Variants in PLIN3 observed in about 807,000 individuals in gnomAD.
PLIN3 encodes perilipin 3, also known as perilipin-3.
PLIN3 carries 30 observed loss-of-function variants against 35.9 expected under a neutral mutation model. The observed-to-expected ratio is 0.84, with a 90% CI of 0.62 to 1.13. PLIN3 has a LOEUF of 1.13. Ranked by LOEUF, PLIN3 falls within the 50% of genes most tolerant of loss-of-function variation. PLIN3 has a pLI of 0.00. For missense variants in PLIN3, 603 were observed against 596.9 expected (o/e 1.01, Z -0.11); for synonymous variants, 261 against 262.5 (o/e 0.99, Z 0.06).
rs750840191 is a variant in PLIN3, at chr19:4,839,524, G to A, written c.973C>T (p.Arg325Trp). 7 of 1,525,634 alleles carry A rather than the reference G, an allele frequency of 4.6e-6. No homozygotes were observed. The highest frequency in any genetic ancestry group is 3.8e-5 in the South Asian group (3 of 78,684). The allele number at this position is 1,525,634 out of a possible 1,614,324, so 94.5% of individuals were successfully genotyped here. Residue 325 changes from arginine (R) to tryptophan (W), a missense_variant, in exon 8 of 8, where the codon CGG (arginine) becomes TGG (tryptophan). Coordinates refer to ENST00000221957, the MANE Select transcript of PLIN3 (RefSeq NM_005817.5). ...ATGTCCCGGAACATGGTGAGCGCCC[G>A]GGACTCGACCTGCTGAGAAGGGAGA... The part of the protein sequence containing the change: ...EPPKPEQVES[R>W]ALTMFRDIAQ...
chr19:4,852,765 G>A (rs184523115), intron 4 of PLIN3, among the ~76,000 whole-genome samples: 10 of 150,196 alleles, frequency 6.7e-5, no homozygotes, highest in East Asian at 2.0e-4. Context: ...CTCAGCCTCC[G>A]AAGCAGCTGG....
At chr19:4,863,630 C>G (rs111297924) in intron 1 of PLIN3, among the ~76,000 whole-genome samples, 24,209 of 151,572 alleles carry the variant, frequency 0.16, 1,999 homozygotes, top group African/African-American at 0.2. Flanking sequence ...ACCAGCCTGG[C>G]CAACATGGCA....
chr19:4,863,277 C>T (rs1054224588), intron 1 of PLIN3, among the ~76,000 whole-genome samples: 2 of 151,180 alleles, frequency 1.3e-5, no homozygotes, highest in African/African-American at 4.9e-5. Context: ...GCGGGTGGAT[C>T]ACCTGAGGTC....
chr19:4,841,766 A>G (rs974077871), intron 7 of PLIN3, among the ~76,000 whole-genome samples: 10 of 151,506 alleles, frequency 6.6e-5, no homozygotes, highest in Non-Finnish European at 1.5e-4. Context: ...TTAGCTGGGC[A>G]TGGTGGCGGG....
At chr19:4,859,384 TG>T (rs1486862139) in intron 4 of PLIN3, among the ~76,000 whole-genome samples, 1 of 152,076 alleles carries the variant, frequency 6.6e-6, no homozygotes, top group Non-Finnish European at 1.5e-5. Context: ...TAGATGGGCA[TG>T]GTTGCAGGCG....
chr19:4,852,177 A>C lies in PLIN3; in HGVS notation c.473T>G (p.Val158Gly). ...CTTTGTCTTGTCCACGCCGCTCTGCACAGCACCGCGGGTCGCGTCCACCGC... is the reference window on the plus strand; with the variant it reads ...CTTTGTCTTGTCCACGCCGCTCTGCCCAGCACCGCGGGTCGCGTCCACCGC... ...SEAVDATRGAVQSGVDKTKSV... is the reference protein window; with the variant it reads ...SEAVDATRGAGQSGVDKTKSV... Residue 158 changes from valine to glycine, a missense_variant, in exon 5 of 8, where the codon GTG becomes GGG. Physicochemically the swap from Val to Gly is moderately radical, Grantham distance 109. Transcript: ENST00000221957. 1 of 1,613,802 alleles carries C rather than the reference A, an allele frequency of 6.2e-7. No individual in the cohort carries two copies.
At chr19:4,840,419 T>C (rs1393038790) in intron 7 of PLIN3, among the ~76,000 whole-genome samples, 4 of 152,090 alleles carry the variant, frequency 2.6e-5, no homozygotes, top group Non-Finnish European at 5.9e-5. Flanking sequence ...CACGCCCAGC[T>C]ACATTTTTAA....
chr19:4,840,129 G>A (rs953022293), intron 7 of PLIN3, among the ~76,000 whole-genome samples: 7 of 151,952 alleles, frequency 4.6e-5, no homozygotes, highest in Admixed American at 1.3e-4. Flanking sequence ...CACCACGCCC[G>A]TCTAACTTTT....
intron 5 of PLIN3, among the ~76,000 whole-genome samples, chr19:4,848,499 T>C (rs920792868): frequency 6.6e-5 from 10 of 152,240 alleles, no homozygotes; most frequent in Admixed American, 3.9e-4. Context: ...TGAATGTTCA[T>C]TATGCAGTCC....
rs148282828 is a variant in PLIN3 at position 4,852,185 on chromosome 19, G to A, written c.465C>T (p.Arg155=). The change falls in exon 5 of 8, where the codon CGC becomes CGT. Residue 155 remains arginine, a synonymous_variant. Coordinates refer to ENST00000221957, the MANE Select transcript of PLIN3 (RefSeq NM_005817.5). ...TGTCCACGCCGCTCTGCACAGCACC[G>A]CGGGTCGCGTCCACCGCCTCCGACA... ...TQLSEAVDAT[R]GAVQSGVDKT... is the part of the protein sequence containing the mutation. 125 of 1,613,288 alleles carry A rather than the reference G, an allele frequency of 7.7e-5. No homozygotes were observed. Among genetic ancestry groups the A allele is most frequent in the Admixed American group, 2.5e-4 (15 of 59,978 alleles).
At chr19:4,865,681 A>G (rs2030822449) in intron 1 of PLIN3, among the ~76,000 whole-genome samples, 1 of 151,634 alleles carries the variant, frequency 6.6e-6, no homozygotes, top group Non-Finnish European at 1.5e-5. Flanking sequence ...ATGTTTTGCA[A>G]GCACTAGATC....
intron 1 of PLIN3, among the ~76,000 whole-genome samples, chr19:4,865,060 C>T (rs751718185): frequency 1.4e-4 from 22 of 152,080 alleles, no homozygotes; most frequent in Non-Finnish European, 2.8e-4. Flanking sequence ...GGTGTGGTGG[C>T]GGGCGCCTGT....
rs185053859 is a variant in PLIN3, at chr19:4,855,683, C to T, written c.349-3382G>A. 5.5e-4 allele frequency among the ~76,000 whole-genome samples: 83 copies of T among 152,130 alleles called. 1 individual carries two copies. Among genetic ancestry groups the T allele is most frequent in the African/African-American group, 1.9e-3 (80 of 41,518 alleles). On this transcript the variant is annotated intron_variant, in intron 4 of 7. Transcript: ENST00000221957. ...TCGGCCTCCCAAAGTGCTGGGATTA[C>T]AGGCGTGAGCCACCGTGCCTGGCTA...
chr19:4,847,481 A>C (rs952851556), intron 6 of PLIN3, among the ~76,000 whole-genome samples: 1 of 151,978 alleles, frequency 6.6e-6, no homozygotes, highest in African/African-American at 2.4e-5. Context: ...TCACACAAAG[A>C]GGTGTGAGCC....
At chr19:4,852,898 T>G (rs957397296) in intron 4 of PLIN3, among the ~76,000 whole-genome samples, 4 of 151,958 alleles carry the variant, frequency 2.6e-5, no homozygotes, top group Non-Finnish European at 5.9e-5. Flanking sequence ...CACTGTAACC[T>G]CCGCCTCCTG....
rs1271247399 is a variant in PLIN3, at chr19:4,860,012, C to A, written c.79G>T (p.Asp27Tyr). Residue 27 changes from aspartate (D) to tyrosine (Y), a missense_variant, in exon 3 of 8, where the codon GAC becomes TAC. Coordinates refer to ENST00000221957, the MANE Select transcript of PLIN3 (RefSeq NM_005817.5). ...EEPVQQPSVV[D>Y]RVASMPLISS... ...ATCAGAGGCATGCTGGCCACACGGT[C>A]CACCACACTGGGCTACAGGAGAGAA... 11 of 1,613,910 alleles carry A rather than the reference C, an allele frequency of 6.8e-6. No individual in the cohort carries two copies. The highest frequency in any genetic ancestry group is 9.3e-6 in the Non-Finnish European group (11 of 1,180,044).
intron 5 of PLIN3, among the ~76,000 whole-genome samples, chr19:4,851,572 C>G (rs1199999597): frequency 6.6e-6 from 1 of 152,050 alleles, no homozygotes; most frequent in Admixed American, 6.6e-5. Context: ...GCGGGAACAC[C>G]AGCATTGTTG....
At chr19:4,855,206 C>T (rs887598514) in intron 4 of PLIN3, among the ~76,000 whole-genome samples, 18 of 145,768 alleles carry the variant, frequency 1.2e-4, no homozygotes, top group African/African-American at 3.9e-4. Context: ...GCTGAGATCA[C>T]GCCACTGCAT....
chr19:4,860,616 C>T (rs1033337669), intron 2 of PLIN3, among the ~76,000 whole-genome samples: 5 of 152,108 alleles, frequency 3.3e-5, no homozygotes, highest in Admixed American at 6.6e-5. Context: ...GGGTCTAAAC[C>T]GGGGGCTGTA....
Sources: allele counts gnomAD v4.1 joint callset (sites outside exome capture counted in the v4.1 genomes callset), GRCh38; gene constraint gnomAD v4.1.1; transcripts MANE v1.5; gene names NCBI Gene and HGNC (gene_info 2026-07-23, HGNC 2026-07-21).